BMP6: variants seen among roughly 807,000 people sequenced by gnomAD.
BMP6 encodes bone morphogenetic protein 6, also known as VG-1-R.
Under a neutral mutation model 54.1 loss-of-function variants are expected in BMP6, and 17 were observed. The observed-to-expected ratio is 0.31, with a 90% confidence interval of 0.22 to 0.47. BMP6 has a LOEUF of 0.47. Ranked by LOEUF, BMP6 falls within the 20% of genes least tolerant of loss-of-function variation. The probability of loss-of-function intolerance (pLI) is 1.00; values close to 1 mark genes in which losing one functional copy is unlikely to be tolerated. For synonymous variants in BMP6, 328 were observed against 291.2 expected, an observed-to-expected ratio of 1.13 and a Z score of -1.28; for missense variants, 720 against 690.4, an observed-to-expected ratio of 1.04 and a Z score of -0.48.
intron 1 of BMP6, among the ~76,000 whole-genome samples, chr6:7,814,489 GT>G (rs980330217): frequency 2.0e-5 from 3 of 151,952 alleles, no homozygotes; most frequent in Admixed American, 6.6e-5. Flanking sequence ...TAGTTTGAGT[GT>G]TTTTTTTCTT....
intron 1 of BMP6, among the ~76,000 whole-genome samples, chr6:7,821,555 A>AG (rs1346384299): frequency 6.6e-6 from 1 of 152,210 alleles, no homozygotes; most frequent in Admixed American, 6.5e-5. Context: ...TGACTCCTGT[A>AG]GTTATCAGTA....
chr6:7,768,099 T>A (rs1027692746), intron 1 of BMP6, among the ~76,000 whole-genome samples: 5 of 152,114 alleles, frequency 3.3e-5, no homozygotes, highest in African/African-American at 1.2e-4. Context: ...AGTGCGCATG[T>A]CCCTTCCTCC....
In BMP6 at chr6:7,726,607, C is replaced by T. The variant is rs1050841846; in HGVS notation, c.-349C>T. 6.6e-6 allele frequency among the ~76,000 whole-genome samples: 1 copy of T among 152,098 alleles called. No individual in the cohort carries two copies. Among genetic ancestry groups the T allele is most frequent in the Non-Finnish European group, 1.5e-5 (1 of 67,996 alleles). On this transcript the variant is annotated 5_prime_UTR_variant, in exon 1 of 7. Coordinates refer to ENST00000283147, the MANE Select transcript of BMP6 (RefSeq NM_001718.6). ...TGCGGCCAGCGAGGCCCAGAGTGACCGCGCCGCGACTCGCAGGAGCCAGGG... is the reference window on the plus strand; with the variant it reads ...TGCGGCCAGCGAGGCCCAGAGTGACTGCGCCGCGACTCGCAGGAGCCAGGG...
intron 1 of BMP6, among the ~76,000 whole-genome samples, chr6:7,836,251 A>C (rs1758874591): frequency 6.6e-6 from 1 of 152,136 alleles, no homozygotes. Flanking sequence ...AATAATATGT[A>C]GGTGCCTAGT....
At chr6:7,869,444 T>C (rs1018038798) in intron 4 of BMP6, among the ~76,000 whole-genome samples, 2 of 152,194 alleles carry the variant, frequency 1.3e-5, no homozygotes, top group African/African-American at 2.4e-5. Flanking sequence ...GACCCCTGCA[T>C]TGGGGGTATA....
intron 4 of BMP6, among the ~76,000 whole-genome samples, chr6:7,869,096 G>A (rs1272061292): frequency 6.6e-6 from 1 of 152,242 alleles, no homozygotes; most frequent in Non-Finnish European, 1.5e-5. Context: ...CCACAGGCTT[G>A]CTGCAGCGCC....
At chr6:7,867,369 C>T (rs530717392) in intron 4 of BMP6, among the ~76,000 whole-genome samples, 1 of 152,340 alleles carries the variant, frequency 6.6e-6, no homozygotes, top group East Asian at 1.9e-4. Flanking sequence ...AACCAGGAGT[C>T]ATCTCTTGCA....
chr6:7,806,542 T>C (rs1164669755), intron 1 of BMP6, among the ~76,000 whole-genome samples: 1 of 152,204 alleles, frequency 6.6e-6, no homozygotes, highest in Non-Finnish European at 1.5e-5. Flanking sequence ...ATTGATGGTT[T>C]CTCTGATTCT....
At chr6:7,762,937 G>A (rs1757634333) in intron 1 of BMP6, among the ~76,000 whole-genome samples, 1 of 152,356 alleles carries the variant, frequency 6.6e-6, no homozygotes, top group South Asian at 2.1e-4. Context: ...TATCCTGGGA[G>A]TCTGGAGGAG....
chr6:7,755,241 A>G (rs1757496334), intron 1 of BMP6, among the ~76,000 whole-genome samples: 1 of 151,572 alleles, frequency 6.6e-6, no homozygotes, highest in African/African-American at 2.4e-5. Flanking sequence ...TATTTGTCCC[A>G]TCTGTTCTTT....
In BMP6 at chr6:7,771,840, G is replaced by T. The variant is rs533640720; in HGVS notation, c.664+44221G>T. Among the ~76,000 whole-genome samples the T allele has an allele frequency of 9.9e-5, 15 of 152,202 alleles. No individual in the cohort carries two copies. The East Asian group carries it at 2.9e-3, about 29-fold the overall frequency. On this transcript the variant is annotated intron_variant, in intron 1 of 6. Coordinates refer to ENST00000283147, the MANE Select transcript of BMP6 (RefSeq NM_001718.6). ...GGCCGAGGCGGGTGGATCACCTGAG[G>T]TCAGGAGTTTGAGACCAGCCTGGCT...
chr6:7,856,549 A>G (rs1759235851), intron 2 of BMP6, among the ~76,000 whole-genome samples: 1 of 151,094 alleles, frequency 6.6e-6, no homozygotes, highest in Admixed American at 6.6e-5. Context: ...TGAGTATTTC[A>G]TAAATCTGCT....
intron 1 of BMP6, among the ~76,000 whole-genome samples, chr6:7,840,243 C>CATGTT (rs1020844979): frequency 6.6e-6 from 1 of 152,170 alleles, no homozygotes; most frequent in African/African-American, 2.4e-5. Flanking sequence ...GTGATACACA[C>CATGTT]ATGCAGTAGA....
At position 7,784,245 on chromosome 6, in the gene BMP6, T is replaced by C. The variant is rs57295493; in HGVS notation, c.664+56626T>C. 3.4e-3 allele frequency among the ~76,000 whole-genome samples: 525 copies of C among 152,356 alleles called. 26 individuals are homozygous for C. In the East Asian group the frequency reaches 0.091, roughly 26 times the overall value. ...TGTGATTGTTGACATTTTTTTACGT[T>C]TCATCATTAAATTTATGACTTATCT... is the stretch of plus-strand genomic sequence containing the variant. On this transcript the variant is annotated intron_variant, in intron 1 of 6. Coordinates refer to ENST00000283147, the MANE Select transcript of BMP6 (RefSeq NM_001718.6).
In BMP6 at chr6:7,880,042, T is replaced by TGCTC. The variant is rs1374427154; in HGVS notation, c.1334_1337dup (p.Phe447LeufsTer37). On this transcript the variant is annotated frameshift_variant, in exon 6 of 7. Coordinates refer to ENST00000283147, the MANE Select transcript of BMP6 (RefSeq NM_001718.6). LOFTEE classifies it high-confidence loss of function. ...TGCTGCCAATTACTGTGATGGAGAA[T>TGCTC]GCTCCTTCCCACTCAACGCACACAT... 6.2e-7 allele frequency: 1 copy of TGCTC among 1,614,220 alleles called. No individual in the cohort carries two copies.
chr6:7,837,286 G>C (rs1377070129), intron 1 of BMP6, among the ~76,000 whole-genome samples: 1 of 152,018 alleles, frequency 6.6e-6, no homozygotes, highest in Non-Finnish European at 1.5e-5. Flanking sequence ...AAATAATTCA[G>C]ACTTAGATAC....
At chr6:7,744,613 T>G (rs1757319789) in intron 1 of BMP6, among the ~76,000 whole-genome samples, 1 of 152,228 alleles carries the variant, frequency 6.6e-6, no homozygotes. Context: ...TACCATTTGA[T>G]GAGTTTTGGT....
intron 5 of BMP6, among the ~76,000 whole-genome samples, 168 bp from the exon 6 acceptor site, chr6:7,879,823 C>T (rs936405729): frequency 6.6e-6 from 1 of 152,220 alleles, no homozygotes; most frequent in African/African-American, 2.4e-5. Context: ...AGGTTCACTT[C>T]CCAGCATTGC....
intron 1 of BMP6, among the ~76,000 whole-genome samples, chr6:7,791,365 A>T (rs1046856933): frequency 7.9e-5 from 12 of 152,046 alleles, no homozygotes; most frequent in Admixed American, 5.2e-4. Flanking sequence ...TGACTCTCTC[A>T]TTGCCACATC....
Sources: allele counts gnomAD v4.1 joint callset (sites outside exome capture counted in the v4.1 genomes callset), GRCh38; gene constraint gnomAD v4.1.1; transcripts MANE v1.5; gene names NCBI Gene and HGNC (gene_info 2026-07-23, HGNC 2026-07-21).